Variants in ANXA6 observed in about 807,000 individuals in gnomAD.
The protein encoded by ANXA6 is annexin A6, also known as 67 kDa calelectrin.
ANXA6 carries 71 observed loss-of-function variants against 95.4 expected under a neutral mutation model. That is an observed-to-expected ratio of 0.74 (90% CI 0.61 to 0.91). The LOEUF is 0.91. ANXA6 is among the 40% of genes least tolerant of loss of function. The probability of loss-of-function intolerance (pLI) is 0.00; values close to 1 mark genes in which losing one functional copy is unlikely to be tolerated. For synonymous variants in ANXA6, 289 were observed against 315.9 expected (o/e 0.91, Z 0.90); for missense variants, 830 against 876.4 (o/e 0.95, Z 0.67).
intron 1 of ANXA6, chr5:151,155,358 T>C (rs990994): frequency 0.62 from 94,527 of 152,012 alleles, 29,687 homozygotes; most frequent in East Asian, 0.88. Context: ...ACAGCACTTT[T>C]ATATCTGCCA....
Position 151,139,461 on chromosome 5 carries a change from G to C in ANXA6, c.110-14C>G. 1 of 1,598,884 alleles carries C rather than the reference G, an allele frequency of 6.3e-7. No individual in the cohort carries two copies. Among genetic ancestry groups the C allele is most frequent in the Non-Finnish European group, 8.6e-7 (1 of 1,166,748 alleles). On this transcript the variant is annotated splice_polypyrimidine_tract_variant and intron_variant, in intron 3 of 25. Coordinates refer to ENST00000354546, the MANE Select transcript of ANXA6 (RefSeq NM_001155.5). Reference sequence around the variant, plus strand: ...CCTTGTCACTGCCTGGAATAGGGGAGAGCAATCATCATCCTACCCACCCTG... The same window carrying C: ...CCTTGTCACTGCCTGGAATAGGGGACAGCAATCATCATCCTACCCACCCTG...
intron 13 of ANXA6, among the ~76,000 whole-genome samples, chr5:151,127,016 C>A (rs1765344344): frequency 6.6e-6 from 1 of 152,258 alleles, no homozygotes; most frequent in Admixed American, 6.5e-5. Flanking sequence ...CTGTGTCCGG[C>A]CAATGCTGGC....
chr5:151,125,341 C>CAAAA (rs34691391), intron 14 of ANXA6, among the ~76,000 whole-genome samples: 12 of 118,192 alleles, frequency 1.0e-4, no homozygotes, highest in African/African-American at 1.6e-4. Flanking sequence ...GACCCTGTCT[C>CAAAA]AAAAAAAAAA....
In ANXA6 at chr5:151,132,503, C is replaced by A; in HGVS notation, c.709G>T (p.Asp237Tyr). 1.9e-6 allele frequency: 3 copies of A among 1,613,190 alleles called. No homozygotes were observed. Among genetic ancestry groups the A allele is most frequent in the South Asian group, 2.2e-5 (2 of 90,766 alleles). Residue 237 changes from aspartate to tyrosine, a missense_variant, in exon 10 of 26, where the codon GAC (aspartate) becomes TAC (tyrosine). Coordinates refer to ENST00000354546, the MANE Select transcript of ANXA6 (RefSeq NM_001155.5). ...ACGGCCAGCATTAGCTTCTCAAAGT[C>A]CCCAGACAGCTCCCCTCGGATGCTG... The part of the protein sequence containing the change: ...EASIRGELSG[D>Y]FEKLMLAVVK...
In ANXA6 at chr5:151,101,469, A is replaced by G. The variant is rs1395451391; in HGVS notation, c.2001T>C (p.Ala667=). ...TSGDFLKALL[A]LCGGED ...GGCCCTAGTCCTCACCACCACAGAG[A>G]GCCAGCAAGGCCTTCAGGAAGTCTC... The change falls in exon 26 of 26, where the codon GCT becomes GCC. Residue 667 remains alanine, a synonymous_variant. Transcript: ENST00000354546. 2 of 1,560,774 alleles carry G rather than the reference A, an allele frequency of 1.3e-6. No individual in the cohort carries two copies. Among genetic ancestry groups the G allele is most frequent in the Middle Eastern group, 1.7e-4 (1 of 6,018 alleles).
intron 9 of ANXA6, 93 bp from the exon 10 acceptor site, chr5:151,132,664 G>T: frequency 9.6e-7 from 1 of 1,045,098 alleles, no homozygotes. Flanking sequence ...ACAGTGGCCA[G>T]GACGACTGTC....
intron 15 of ANXA6, among the ~76,000 whole-genome samples, chr5:151,123,995 C>A (rs1359736790): frequency 1.3e-5 from 2 of 152,174 alleles, no homozygotes; most frequent in African/African-American, 2.4e-5. Flanking sequence ...AGAGCCAGGG[C>A]ACCATGCCAA....
Position 151,129,539 on chromosome 5 carries a change from A to C in ANXA6, c.796-10T>G. On this transcript the variant is annotated splice_polypyrimidine_tract_variant and intron_variant, in intron 11 of 25. Transcript: ENST00000354546. Reference sequence around the variant, plus strand: ...CCCGAGTCCCCAGGCCCTGCAAGACAAGTGGGTTTGGGGAACATGGACTTG... The same window carrying C: ...CCCGAGTCCCCAGGCCCTGCAAGACCAGTGGGTTTGGGGAACATGGACTTG... 6.3e-7 allele frequency: 1 copy of C among 1,595,154 alleles called. No individual in the cohort carries two copies. The highest frequency in any genetic ancestry group is 8.5e-7 in the Non-Finnish European group (1 of 1,170,392).
rs911662907 is a variant in ANXA6 at position 151,123,442 on chromosome 5, T to C, written c.1139-431A>G. ...TGTTAGCAACTCTATGTCCTTTCTC[T>C]TCAGCTCTCTGGAAGCTGGACCCTG... On this transcript the variant is annotated intron_variant, in intron 15 of 25. Transcript: ENST00000354546. 2.0e-5 allele frequency among the ~76,000 whole-genome samples: 3 copies of C among 152,326 alleles called. No individual in the cohort carries two copies. The East Asian group carries it at 5.8e-4, about 29-fold the overall frequency.
chr5:151,137,622 G>T (rs2113941527), intron 5 of ANXA6, among the ~76,000 whole-genome samples: 1 of 152,278 alleles, frequency 6.6e-6, no homozygotes, highest in East Asian at 1.9e-4. Flanking sequence ...CCATCTCCTT[G>T]CTACTGTTCT....
At chr5:151,127,996 C>A (rs1765375695) in intron 13 of ANXA6, among the ~76,000 whole-genome samples, 185 bp downstream of exon 13, 1 of 152,198 alleles carries the variant, frequency 6.6e-6, no homozygotes, top group Non-Finnish European at 1.5e-5. Context: ...GACCCCCACA[C>A]TCTCAGACAC....
intron 24 of ANXA6, among the ~76,000 whole-genome samples, chr5:151,104,417 C>T (rs961954831): frequency 3.9e-5 from 6 of 152,180 alleles, no homozygotes; most frequent in South Asian, 2.1e-4. Flanking sequence ...GAGCTAGGTT[C>T]GAGTCCCAGC....
intron 17 of ANXA6, among the ~76,000 whole-genome samples, chr5:151,121,689 C>T (rs1046550329): frequency 1.9e-4 from 29 of 152,258 alleles, no homozygotes; most frequent in Admixed American, 1.6e-3. Flanking sequence ...TGCTTTCGTT[C>T]GAGACCCACC....
chr5:151,147,760 G>A, intron 2 of ANXA6, 124 bp downstream of exon 2: 1 of 1,088,088 alleles, frequency 9.2e-7, no homozygotes, highest in Non-Finnish European at 1.4e-6. Flanking sequence ...CAAAGCCTAA[G>A]AACCTTTCCT....
At chr5:151,129,609 C>T in intron 11 of ANXA6, 80 bp from the exon 12 acceptor site, 2 of 1,456,208 alleles carry the variant, frequency 1.4e-6, no homozygotes, top group Non-Finnish European at 1.8e-6. Context: ...GTTGAAAATC[C>T]TATTTTCATA....
intron 14 of ANXA6, among the ~76,000 whole-genome samples, chr5:151,125,448 A>C (rs759165596): frequency 7.9e-5 from 12 of 152,290 alleles, no homozygotes; most frequent in Non-Finnish European, 1.6e-4. Context: ...CACAAAAATC[A>C]ACATAATAAA....
intron 20 of ANXA6, among the ~76,000 whole-genome samples, chr5:151,114,237 T>C (rs932473356): frequency 6.6e-6 from 1 of 152,166 alleles, no homozygotes; most frequent in African/African-American, 2.4e-5. Context: ...TCTGTGAAGA[T>C]ACTAAAAACC....
chr5:151,115,988 G>A (rs973103740), intron 20 of ANXA6, among the ~76,000 whole-genome samples: 12 of 152,216 alleles, frequency 7.9e-5, no homozygotes, highest in African/African-American at 2.9e-4. Flanking sequence ...CATTGAAGAG[G>A]TTAAGGAGCT....
At chr5:151,102,640 G>A (rs771052977) in intron 25 of ANXA6, among the ~76,000 whole-genome samples, 14 of 152,292 alleles carry the variant, frequency 9.2e-5, no homozygotes, top group East Asian at 3.9e-4. Flanking sequence ...GGAGGTGGAC[G>A]TTGCAGTGAG....
Sources: allele counts gnomAD v4.1 joint callset (sites outside exome capture counted in the v4.1 genomes callset), GRCh38; gene constraint gnomAD v4.1.1; transcripts MANE v1.5; gene names NCBI Gene and HGNC (gene_info 2026-07-23, HGNC 2026-07-21).